VSIG4: variants seen among roughly 807,000 people sequenced by gnomAD.
VSIG4 encodes V-set and immunoglobulin domain containing 4, also known as V-set and immunoglobulin domain-containing protein 4.
A neutral mutation model predicts 23.4 loss-of-function variants in VSIG4; 34 were observed. That is an observed-to-expected ratio of 1.45 (90% CI 1.10 to 1.93). The LOEUF is 1.93. VSIG4 is among the 30% of genes most tolerant of loss of function. The pLI, the probability that VSIG4 is intolerant of heterozygous loss-of-function variation, is 0.00. For synonymous variants in VSIG4, 169 were observed against 120.3 expected, an observed-to-expected ratio of 1.41 and a Z score of -2.65; for missense variants, 433 against 310.8, an observed-to-expected ratio of 1.39 and a Z score of -2.96.
chrX:66,032,062 C>T (rs1261785029), intron 3 of VSIG4, among the ~76,000 whole-genome samples: 2 of 111,565 alleles, frequency 1.8e-5, no homozygotes, highest in African/African-American at 3.3e-5. Context: ...GAGTACAAAT[C>T]CAGATTTATA....
chrX:66,030,038 T>G (rs2085446121), intron 3 of VSIG4, among the ~76,000 whole-genome samples: 1 of 111,090 alleles, frequency 9.0e-6, no homozygotes, highest in South Asian at 3.7e-4. Flanking sequence ...AATTAAGGAG[T>G]GAATGAAAAA....
At chrX:66,038,796 T>C (rs1364216145) in intron 1 of VSIG4, among the ~76,000 whole-genome samples, 1 of 111,239 alleles carries the variant, frequency 9.0e-6, no homozygotes, top group Non-Finnish European at 1.9e-5. Flanking sequence ...GGTTCCAGAG[T>C]GTGATGGGTC....
Position 66,022,507 on chromosome X carries a change from C to G in VSIG4, c.963-7G>C, listed in dbSNP as rs748986124. 8.3e-7 allele frequency: 1 copy of G among 1,209,738 alleles called. No homozygotes were observed. The highest frequency in any genetic ancestry group is 2.2e-5 in the Admixed American group (1 of 46,054). On this transcript the variant is annotated splice_region_variant and splice_polypyrimidine_tract_variant and intron_variant, in intron 7 of 7. Coordinates refer to ENST00000374737, the MANE Select transcript of VSIG4 (RefSeq NM_007268.3). ...GGCCTCTCTGGCATGTGCCCTATGG[C>G]CCAAGAGCCCACCACCCATAAGAAG...
rs868053485 is a variant in VSIG4, at chrX:66,036,990, A to C, written c.55+2954T>G. Reference sequence around the variant, plus strand: ...TAATATATAATATAATATATCATATAATATAATATATCATATAATATATCA... The same window carrying C: ...TAATATATAATATAATATATCATATCATATAATATATCATATAATATATCA... On this transcript the variant is annotated intron_variant, in intron 1 of 7. Coordinates refer to ENST00000374737, the MANE Select transcript of VSIG4 (RefSeq NM_007268.3). Among the ~76,000 whole-genome samples the C allele has an allele frequency of 1.6e-3, 38 of 23,518 alleles. 1 individual carries two copies. Among genetic ancestry groups the C allele is most frequent in the Admixed American group, 1.6e-3 (2 of 1,286 alleles). The allele number at this position is 23,518 out of a possible 115,157, so 20.4% of individuals were successfully genotyped here.
chrX:66,027,217 A>T (rs2085402000), intron 5 of VSIG4, among the ~76,000 whole-genome samples: 1 of 111,816 alleles, frequency 8.9e-6, no homozygotes, highest in African/African-American at 3.3e-5. Flanking sequence ...AATAAAGGGC[A>T]CATTTATCAC....
chrX:66,034,105 C>G, intron 1 of VSIG4, among the ~76,000 whole-genome samples: 1 of 111,897 alleles, frequency 8.9e-6, no homozygotes, highest in Non-Finnish European at 1.9e-5. Flanking sequence ...CTAGGTAAGT[C>G]ACCTTCTTAC....
Position 66,022,472 on chromosome X carries a change from CA to C in VSIG4, c.990del (p.Gly331GlufsTer4). 2 of 1,211,808 alleles carry C rather than the reference CA, an allele frequency of 1.7e-6. No individual in the cohort carries two copies. Among genetic ancestry groups the C allele is most frequent in the Non-Finnish European group, 2.2e-6 (2 of 895,512 alleles). On this transcript the variant is annotated frameshift_variant, in exon 8 of 8. Transcript: ENST00000374737. LOFTEE classifies it low-confidence loss of function (END_TRUNC). Reference sequence around the variant, plus strand: ...AAGATGGCCACCCTCATGGTTTCTCCAGAGTCGTTGGCCTCTCTGGCATGTG... The same window carrying C: ...AAGATGGCCACCCTCATGGTTTCTCCGAGTCGTTGGCCTCTCTGGCATGTG... ...ARAHAREANDSGETMRVAIFA... is the reference protein window; with the variant it reads ...ARAHAREANDXGETMRVAIFA...
chrX:66,036,086 T>G (rs1191987990), intron 1 of VSIG4, among the ~76,000 whole-genome samples: 1 of 111,480 alleles, frequency 9.0e-6, no homozygotes. Flanking sequence ...TAGGACAGAG[T>G]TGGTAACTAG....
chrX:66,036,958 T>G (rs1311852377), intron 1 of VSIG4, among the ~76,000 whole-genome samples: 1 of 34,905 alleles, frequency 2.9e-5, no homozygotes, highest in Non-Finnish European at 4.0e-5. Flanking sequence ...TATTATATTA[T>G]ATTATATAAT....
chrX:66,022,958 G>C, intron 6 of VSIG4, 96 bp from the exon 7 acceptor site: 8 of 938,190 alleles, frequency 8.5e-6, no homozygotes, highest in African/African-American at 1.9e-5. Flanking sequence ...TGAGGGAAGG[G>C]TACAGAGGAG....
In VSIG4 at chrX:66,021,926, G is replaced by T. The variant is rs17276275; in HGVS notation, c.*337C>A. ...GAGCTGGCAGAGCTGAGCCTCCCTCGGGTCTTCTGGTGGCAAGATGCCAAA... is the reference window on the plus strand; with the variant it reads ...GAGCTGGCAGAGCTGAGCCTCCCTCTGGTCTTCTGGTGGCAAGATGCCAAA... On this transcript the variant is annotated 3_prime_UTR_variant, in exon 8 of 8. Transcript: ENST00000374737. 3.9e-3 allele frequency: 2,120 copies of T among 547,753 alleles called. 51 individuals are homozygous for T. The East Asian group carries it at 0.091, about 24-fold the overall frequency. The allele number at this position is 547,753 out of a possible 1,213,427, so 45.1% of individuals were successfully genotyped here.
chrX:66,022,713 C>G, intron 7 of VSIG4, 128 bp downstream of exon 7: 1 of 1,168,957 alleles, frequency 8.6e-7, no homozygotes, highest in Non-Finnish European at 1.1e-6. Flanking sequence ...CAGCTATGTC[C>G]TGACCCTGAA....
chrX:66,038,274 G>A (rs986093004), intron 1 of VSIG4, among the ~76,000 whole-genome samples: 2 of 111,067 alleles, frequency 1.8e-5, no homozygotes, highest in African/African-American at 3.3e-5. Flanking sequence ...ACCCCTTTAA[G>A]ACCAGTCAAG....
In VSIG4 at chrX:66,021,828, G is replaced by T. The variant is rs190057546; in HGVS notation, c.*435C>A. 7.0e-4 allele frequency: 190 copies of T among 270,159 alleles called. No individual in the cohort carries two copies. Among genetic ancestry groups the T allele is most frequent in the African/African-American group, 5.0e-3 (177 of 35,534 alleles). The allele number at this position is 270,159 out of a possible 1,213,427, so 22.3% of individuals were successfully genotyped here. On this transcript the variant is annotated 3_prime_UTR_variant, in exon 8 of 8. Transcript: ENST00000374737. The stretch of plus-strand genomic sequence containing the variant: ...GGAGCAGAACTGAACCCTGGCCTGT[G>T]AAATAACAATTTCAATTAAAAGCTG...
intron 1 of VSIG4, among the ~76,000 whole-genome samples, chrX:66,037,710 G>T (rs2085631887): frequency 1.1e-5 from 1 of 88,182 alleles, no homozygotes; most frequent in African/African-American, 4.1e-5. Flanking sequence ...ACTTATTACT[G>T]ATAAGTATAT....
rs936189970 is a variant in VSIG4 at position 66,036,586 on chromosome X, A to G, written c.56-2756T>C. Among the ~76,000 whole-genome samples, 5 of 88,570 alleles carry G rather than the reference A, an allele frequency of 5.6e-5. No individual in the cohort carries two copies. The Admixed American group carries it at 8.2e-4, about 15-fold the overall frequency. 76.9% of individuals were successfully genotyped at this position (88,570 alleles called of 115,157 possible). ...GTAAAGTGGAAGTAATAATAAAGGAAGTAATATTATAATATAATAAAAATA... is the reference window on the plus strand; with the variant it reads ...GTAAAGTGGAAGTAATAATAAAGGAGGTAATATTATAATATAATAAAAATA... On this transcript the variant is annotated intron_variant, in intron 1 of 7. Coordinates refer to ENST00000374737, the MANE Select transcript of VSIG4 (RefSeq NM_007268.3).
Position 66,032,580 on chromosome X carries a change from A to G in VSIG4, c.582T>C (p.Ser194=), listed in dbSNP as rs745781302. ...TCACCGCAGGCTTGAAGAGTAAGGT[A>G]CTTAGGGTTGCTACTTTGATGGGTT... ...NQEPIKVATL[S]TLLFKPAVIA... Residue 194 remains serine, a synonymous_variant, in exon 3 of 8, where the codon AGT becomes AGC. Coordinates refer to ENST00000374737, the MANE Select transcript of VSIG4 (RefSeq NM_007268.3). The G allele has an allele frequency of 1.5e-5, 18 of 1,209,800 alleles. No individual in the cohort carries two copies. In the East Asian group the frequency reaches 1.8e-4, roughly 12 times the overall value.
At chrX:66,026,346 G>A (rs191760405) in intron 5 of VSIG4, among the ~76,000 whole-genome samples, 60 of 111,927 alleles carry the variant, frequency 5.4e-4, no homozygotes, top group Admixed American at 4.9e-3. Flanking sequence ...GGTACAAATC[G>A]AAGAAATATT....
intron 5 of VSIG4, among the ~76,000 whole-genome samples, chrX:66,027,019 G>T (rs940745340): frequency 2.7e-5 from 3 of 111,504 alleles, no homozygotes; most frequent in Admixed American, 9.5e-5. Context: ...ACCCTGACTT[G>T]GGAATTTTCA....
Sources: gnomAD v4.1 joint callset for allele counts (sites outside exome capture counted in the v4.1 genomes callset) on GRCh38, gnomAD v4.1.1 for gene constraint, MANE v1.5 for transcripts, NCBI Gene and HGNC (gene_info 2026-07-23, HGNC 2026-07-21) for gene names.